TENM4: variants seen among roughly 807,000 people sequenced by gnomAD.
TENM4 encodes teneurin-4.
Under a neutral mutation model 243.3 loss-of-function variants are expected in TENM4, and 82 were observed. That is an observed-to-expected ratio of 0.34 (90% CI 0.28 to 0.40). The LOEUF (loss-of-function observed/expected upper bound fraction) is 0.40. TENM4 is among the 10% of genes least tolerant of loss of function. TENM4 has a pLI of 1.00. For missense variants in TENM4, 3,138 were observed against 3,673.3 expected (o/e 0.85, Z 3.77); for synonymous variants, 1,412 against 1,456.3 (o/e 0.97, Z 0.69).
At chr11:78,827,035 T>C (rs1857868913) in intron 12 of TENM4, among the ~76,000 whole-genome samples, 1 of 152,226 alleles carries the variant, frequency 6.6e-6, no homozygotes, top group African/African-American at 2.4e-5. Context: ...CATATTCACA[T>C]ACCATCTGTC....
At chr11:78,735,196 C>T (rs923969935) in intron 20 of TENM4, among the ~76,000 whole-genome samples, 9 of 152,170 alleles carry the variant, frequency 5.9e-5, no homozygotes, top group Non-Finnish European at 8.8e-5. Flanking sequence ...AGCTATCACC[C>T]GTTTGCCTGT....
At chr11:78,822,132 G>C (rs533479848) in intron 12 of TENM4, among the ~76,000 whole-genome samples, 17 of 152,254 alleles carry the variant, frequency 1.1e-4, no homozygotes, top group Non-Finnish European at 2.4e-4. Flanking sequence ...TGACTAGTGG[G>C]GATACTGCAG....
At chr11:79,058,260 T>A (rs1203792877) in intron 6 of TENM4, among the ~76,000 whole-genome samples, 1 of 151,630 alleles carries the variant, frequency 6.6e-6, no homozygotes, top group Non-Finnish European at 1.5e-5. Flanking sequence ...AGAAGGATAA[T>A]GGGCCAGGTG....
chr11:79,030,894 G>A lies in TENM4; in HGVS notation c.493+33844C>T, dbSNP rs190787800. Among the ~76,000 whole-genome samples, 56 of 152,262 alleles carry A rather than the reference G, an allele frequency of 3.7e-4. 1 individual carries two copies. Among genetic ancestry groups the A allele is most frequent in the Non-Finnish European group, 6.8e-4 (46 of 68,010 alleles). ...CCCTGCTGGATATAGATGGGGCGTA[G>A]GATGGAAAGCACCAGAGAGACCCAG... On this transcript the variant is annotated intron_variant, in intron 6 of 33. Coordinates refer to ENST00000278550, the MANE Select transcript of TENM4 (RefSeq NM_001098816.3).
chr11:78,748,392 C>A (rs1856100075), intron 19 of TENM4, among the ~76,000 whole-genome samples: 1 of 152,186 alleles, frequency 6.6e-6, no homozygotes, highest in Non-Finnish European at 1.5e-5. Context: ...GGCTGAGAGT[C>A]CAACCTCTGA....
intron 6 of TENM4, among the ~76,000 whole-genome samples, chr11:78,993,213 G>C (rs115086448): frequency 1.3e-5 from 2 of 152,170 alleles, no homozygotes; most frequent in African/African-American, 4.8e-5. Context: ...AGTCAAAGGG[G>C]AGTTGAGGAA....
At chr11:79,196,518 C>T (rs554739898) in intron 3 of TENM4, among the ~76,000 whole-genome samples, 3 of 152,248 alleles carry the variant, frequency 2.0e-5, no homozygotes, top group South Asian at 2.1e-4. Flanking sequence ...CCCGACCTAT[C>T]GGGGTGTTGT....
At chr11:78,946,914 G>A (rs541173323) in intron 6 of TENM4, among the ~76,000 whole-genome samples, 3 of 152,326 alleles carry the variant, frequency 2.0e-5, no homozygotes, top group East Asian at 1.9e-4. Flanking sequence ...TTATGGATGA[G>A]CAAAGAGAGT....
chr11:79,252,256 A>G (rs1463847828), intron 2 of TENM4, among the ~76,000 whole-genome samples: 1 of 152,170 alleles, frequency 6.6e-6, no homozygotes, highest in African/African-American at 2.4e-5. Context: ...CTTTTTTGAG[A>G]CTGAGTCTTG....
intron 7 of TENM4, among the ~76,000 whole-genome samples, chr11:78,894,314 A>T (rs3905300): frequency 0.12 from 17,985 of 152,186 alleles, 1,602 homozygotes; most frequent in African/African-American, 0.25. Flanking sequence ...GAAGGCTCAG[A>T]TCCCATTTTA....
At chr11:78,699,739 G>C (rs1255800826) in intron 28 of TENM4, among the ~76,000 whole-genome samples, 1 of 152,234 alleles carries the variant, frequency 6.6e-6, no homozygotes, top group Non-Finnish European at 1.5e-5. Context: ...TTTCCTGGTA[G>C]AAGTGTAGGA....
chr11:79,131,366 C>A (rs1048066341), intron 4 of TENM4, among the ~76,000 whole-genome samples: 1 of 152,176 alleles, frequency 6.6e-6, no homozygotes, highest in African/African-American at 2.4e-5. Context: ...GGGACTGGGG[C>A]TCTATCTTCA....
chr11:79,072,879 CAT>C (rs1860452617), intron 4 of TENM4, among the ~76,000 whole-genome samples: 2 of 152,090 alleles, frequency 1.3e-5, no homozygotes. Flanking sequence ...ATTAATAACT[CAT>C]AATATTAATA....
intron 18 of TENM4, among the ~76,000 whole-genome samples, chr11:78,760,779 G>A (rs766059451): frequency 2.8e-4 from 43 of 152,168 alleles, no homozygotes; most frequent in Non-Finnish European, 5.0e-4. Flanking sequence ...TAGCTTTCAT[G>A]TCACTCAACC....
chr11:79,365,374 T>C (rs1857659332), intron 1 of TENM4, among the ~76,000 whole-genome samples: 1 of 152,142 alleles, frequency 6.6e-6, no homozygotes, highest in Admixed American at 6.5e-5. Flanking sequence ...AAGCTCCCAG[T>C]AGCAACTGTA....
chr11:78,887,866 C>T (rs957133996), intron 9 of TENM4, among the ~76,000 whole-genome samples: 2 of 152,232 alleles, frequency 1.3e-5, no homozygotes, highest in Non-Finnish European at 2.9e-5. Flanking sequence ...AACCTTAAGA[C>T]TTCAACGCAA....
At chr11:78,863,991 A>T (rs1858893101) in intron 9 of TENM4, among the ~76,000 whole-genome samples, 1 of 152,236 alleles carries the variant, frequency 6.6e-6, no homozygotes, top group Non-Finnish European at 1.5e-5. Flanking sequence ...AATTGGATGC[A>T]ACCATTAACA....
intron 6 of TENM4, among the ~76,000 whole-genome samples, chr11:79,003,372 GA>G (rs537581726): frequency 1.4e-3 from 195 of 140,014 alleles, no homozygotes; most frequent in African/African-American, 3.5e-3. Context: ...AGGTCAAAAT[GA>G]AAAAAAAAAA....
chr11:78,996,584 C>A (rs1858177600), intron 6 of TENM4, among the ~76,000 whole-genome samples: 1 of 152,022 alleles, frequency 6.6e-6, no homozygotes, highest in African/African-American at 2.4e-5. Flanking sequence ...CAAAGGATAC[C>A]CAGAAGGGAT....
Sources: allele counts gnomAD v4.1 joint callset (sites outside exome capture counted in the v4.1 genomes callset), GRCh38; gene constraint gnomAD v4.1.1; transcripts MANE v1.5; gene names NCBI Gene and HGNC (gene_info 2026-07-23, HGNC 2026-07-21).